The following PTPRQ variants were observed in gnomAD, a reference collection of about 807,000 sequenced individuals.
The protein encoded by PTPRQ is protein tyrosine phosphatase receptor type Q, also known as phosphatidylinositol phosphatase PTPRQ.
A neutral mutation model predicts 246.0 loss-of-function variants in PTPRQ; 199 were observed. The observed-to-expected ratio is 0.81, with a 90% CI of 0.72 to 0.91. PTPRQ has a LOEUF of 0.91. Among genes scored for constraint, PTPRQ ranks in the 40% least tolerant of loss-of-function variants. The pLI is 0.00. For missense variants in PTPRQ, 2,624 were observed against 2,528.4 expected (o/e 1.04, Z -0.81); for synonymous variants, 869 against 853.2 (o/e 1.02, Z -0.32).
chr12:80,674,547 A>T (rs1475912491), intron 43 of PTPRQ, among the ~76,000 whole-genome samples: 1 of 152,146 alleles, frequency 6.6e-6, no homozygotes, highest in Non-Finnish European at 1.5e-5. Flanking sequence ...TTTTTGGACA[A>T]ATGTCCCTTT....
chr12:80,615,252 C>T (rs1440927266), intron 29 of PTPRQ, among the ~76,000 whole-genome samples: 2 of 150,810 alleles, frequency 1.3e-5, no homozygotes, highest in African/African-American at 4.9e-5. Flanking sequence ...TTTCAAGCCA[C>T]ATTTTATGGT....
intron 25 of PTPRQ, among the ~76,000 whole-genome samples, chr12:80,582,110 T>C (rs1243462544): frequency 6.6e-6 from 1 of 152,218 alleles, no homozygotes; most frequent in Non-Finnish European, 1.5e-5. Flanking sequence ...GCTTGTTTAC[T>C]GCAAATATTG....
At chr12:80,497,914 T>C (rs992620286) in intron 14 of PTPRQ, among the ~76,000 whole-genome samples, 1 of 152,088 alleles carries the variant, frequency 6.6e-6, no homozygotes, top group Non-Finnish European at 1.5e-5. Context: ...AATTTCTGTC[T>C]TGACCTTGAG....
chr12:80,615,674 T>G lies in PTPRQ; in HGVS notation c.5164-526T>G, dbSNP rs137929404. Among the ~76,000 whole-genome samples, 316 of 151,030 alleles carry G rather than the reference T, an allele frequency of 2.1e-3. 2 individuals are homozygous for G. Among genetic ancestry groups the G allele is most frequent in the African/African-American group, 7.4e-3 (307 of 41,360 alleles). ...GCCATCTTTCAGGGGAATGATTTAATACAGGAAAACTGGGAGGCTGAAGGA... is the reference window on the plus strand; with the variant it reads ...GCCATCTTTCAGGGGAATGATTTAAGACAGGAAAACTGGGAGGCTGAAGGA... On this transcript the variant is annotated intron_variant, in intron 29 of 44. Coordinates refer to ENST00000644991, the MANE Select transcript of PTPRQ (RefSeq NM_001145026.2).
chr12:80,547,973 CTGA>C (rs1896358408), intron 24 of PTPRQ, among the ~76,000 whole-genome samples: 1 of 152,056 alleles, frequency 6.6e-6, no homozygotes, highest in Non-Finnish European at 1.5e-5. Context: ...CATTGGCCTT[CTGA>C]CTTCTAGTGA....
In PTPRQ at chr12:80,613,600, G is replaced by A. The variant is rs776782755; in HGVS notation, c.4927G>A (p.Asp1643Asn). ...IVTTLESAPK[D>N]PPNNMTFQKI... ...TAAATATTTTATTTTAGCCCCAAAG[G>A]ACCCACCTAACAACATGACATTTCA... Residue 1643 changes from aspartate to asparagine, a missense_variant, in exon 29 of 45, where the codon GAC becomes AAC. Physicochemically the swap from Asp to Asn is conservative, Grantham distance 23. Transcript: ENST00000644991. The A allele has an allele frequency of 3.4e-5, 52 of 1,530,202 alleles. No individual in the cohort carries two copies. In the African/African-American group the frequency reaches 4.5e-4, roughly 13 times the overall value. The allele number at this position is 1,530,202 out of a possible 1,614,324, so 94.8% of individuals were successfully genotyped here.
chr12:80,585,870 C>T (rs1186452692), intron 25 of PTPRQ, among the ~76,000 whole-genome samples: 1 of 140,934 alleles, frequency 7.1e-6, no homozygotes, highest in African/African-American at 2.6e-5. Flanking sequence ...TCTCCCAATG[C>T]TATCCCTCCC....
chr12:80,523,373 G>T (rs550323055), intron 17 of PTPRQ, among the ~76,000 whole-genome samples: 55 of 152,164 alleles, frequency 3.6e-4, no homozygotes, highest in African/African-American at 1.3e-3. Context: ...CTTCAGTTCT[G>T]CTCTGATCTT....
intron 36 of PTPRQ, among the ~76,000 whole-genome samples, chr12:80,649,127 A>C (rs1350556342): frequency 2.0e-5 from 3 of 152,070 alleles, no homozygotes. Context: ...GCATGTCTGT[A>C]TTTTAGCTTG....
intron 6 of PTPRQ, among the ~76,000 whole-genome samples, chr12:80,467,570 C>T (rs1442177194): frequency 1.3e-4 from 20 of 151,874 alleles, no homozygotes; most frequent in South Asian, 8.3e-4. Flanking sequence ...ATGTTTATTG[C>T]GGCATTATTC....
chr12:80,558,360 G>T (rs993727644), intron 25 of PTPRQ, among the ~76,000 whole-genome samples: 5 of 150,694 alleles, frequency 3.3e-5, no homozygotes, highest in Non-Finnish European at 7.4e-5. Context: ...TAGAGACAAG[G>T]TTTCACCATG....
chr12:80,622,880 T>A (rs1305306521), intron 33 of PTPRQ, among the ~76,000 whole-genome samples: 2 of 151,916 alleles, frequency 1.3e-5, no homozygotes, highest in African/African-American at 4.8e-5. Context: ...GTTAGTAAAT[T>A]TTTAAAGTTT....
At chr12:80,617,990 C>A (rs1352603633) in intron 30 of PTPRQ, among the ~76,000 whole-genome samples, 1 of 151,360 alleles carries the variant, frequency 6.6e-6, no homozygotes, top group Non-Finnish European at 1.5e-5. Context: ...TACCTGTGAT[C>A]TGTGGCACTT....
At chr12:80,608,147 G>GA (rs1049080904) in intron 27 of PTPRQ, among the ~76,000 whole-genome samples, 6 of 149,966 alleles carry the variant, frequency 4.0e-5, no homozygotes, top group African/African-American at 1.5e-4. Context: ...GGTAGGAAGA[G>GA]AAAAAAAATA....
intron 8 of PTPRQ, among the ~76,000 whole-genome samples, chr12:80,477,928 T>G (rs1465369012): frequency 6.6e-6 from 1 of 152,168 alleles, no homozygotes; most frequent in African/African-American, 2.4e-5. Context: ...GAGATCAAAC[T>G]GCAAGGCGGC....
chr12:80,625,548 T>C (rs1899169276), intron 33 of PTPRQ, among the ~76,000 whole-genome samples: 1 of 152,098 alleles, frequency 6.6e-6, no homozygotes, highest in African/African-American at 2.4e-5. Flanking sequence ...TATTTGGAGT[T>C]TAAAATTAGG....
intron 42 of PTPRQ, 84 bp downstream of exon 42, chr12:80,670,576 C>A: frequency 7.2e-7 from 1 of 1,394,562 alleles, no homozygotes; most frequent in South Asian, 1.8e-5. Flanking sequence ...ATAAAATGTT[C>A]ATGTAAATTT....
chr12:80,660,953 T>G (rs1351206146), intron 39 of PTPRQ, among the ~76,000 whole-genome samples: 1 of 151,764 alleles, frequency 6.6e-6, no homozygotes, highest in Admixed American at 6.6e-5. Flanking sequence ...AGGAAGAGCA[T>G]AAGGTACTGG....
At chr12:80,671,684 A>G (rs145433682) in intron 42 of PTPRQ, among the ~76,000 whole-genome samples, 1 of 152,106 alleles carries the variant, frequency 6.6e-6, no homozygotes, top group East Asian at 1.9e-4. Flanking sequence ...CTGAATGACT[A>G]AAAAGTTCTA....
Sources: gnomAD v4.1 joint callset for allele counts (sites outside exome capture counted in the v4.1 genomes callset) on GRCh38, gnomAD v4.1.1 for gene constraint, MANE v1.5 for transcripts, NCBI Gene and HGNC (gene_info 2026-07-23, HGNC 2026-07-21) for gene names.